GRIA3: variants seen among roughly 807,000 people sequenced by gnomAD.
The protein encoded by GRIA3 is glutamate ionotropic receptor AMPA type subunit 3.
GRIA3 carries 3 observed loss-of-function variants against 63.0 expected under a neutral mutation model. The ratio of observed to expected loss-of-function variants is 0.05; its 90% CI spans 0.02 to 0.12. The LOEUF is 0.12. GRIA3 is among the 10% of genes least tolerant of loss of function. The probability of loss-of-function intolerance (pLI) is 1.00; values close to 1 mark genes in which losing one functional copy is unlikely to be tolerated. For missense variants in GRIA3, 347 were observed against 700.9 expected, an observed-to-expected ratio of 0.50 and a Z score of 5.70; for synonymous variants, 274 against 257.9, an observed-to-expected ratio of 1.06 and a Z score of -0.60.
At chrX:123,289,433 T>C (rs1399934125) in intron 3 of GRIA3, among the ~76,000 whole-genome samples, 1 of 106,618 alleles carries the variant, frequency 9.4e-6, no homozygotes, top group Non-Finnish European at 1.9e-5. Context: ...AAAAAATATA[T>C]ATATATATAT....
chrX:123,274,140 A>G (rs2044539874), intron 3 of GRIA3, among the ~76,000 whole-genome samples: 1 of 112,630 alleles, frequency 8.9e-6, no homozygotes, highest in African/African-American at 3.2e-5. Flanking sequence ...TCAGATGAAT[A>G]ACAAATACTT....
In GRIA3 at chrX:123,490,388, C is replaced by A. The variant is rs1396331978; in HGVS notation, c.*1678C>A. On this transcript the variant is annotated 3_prime_UTR_variant, in exon 16 of 16. Transcript: ENST00000620443. ...AATGGTATTGAACAAAAAAAGAAAGCTGTTGTGTTTTTGTTTTGTTTTGTT... is the reference window on the plus strand; with the variant it reads ...AATGGTATTGAACAAAAAAAGAAAGATGTTGTGTTTTTGTTTTGTTTTGTT... The A allele has an allele frequency of 1.8e-5, 2 of 112,850 alleles. No individual in the cohort carries two copies. The highest frequency in any genetic ancestry group is 6.5e-5 in the African/African-American group (2 of 30,933). The allele number at this position is 112,850 out of a possible 1,213,427, so 9.3% of individuals were successfully genotyped here. A position where few individuals can be genotyped will look rare whatever the true frequency, so the allele number is the denominator to read the frequency against.
chrX:123,296,894 C>A (rs752192207), intron 3 of GRIA3, among the ~76,000 whole-genome samples: 1 of 111,471 alleles, frequency 9.0e-6, no homozygotes, highest in Non-Finnish European at 1.9e-5. Flanking sequence ...TTGTTCATGA[C>A]CAGTCTCTAA....
chrX:123,340,527 A>AAG (rs1456129431), intron 4 of GRIA3, among the ~76,000 whole-genome samples: 1 of 112,135 alleles, frequency 8.9e-6, no homozygotes, highest in Non-Finnish European at 1.9e-5. Context: ...TCACAGGGGG[A>AAG]AGTGCACTAG....
chrX:123,406,298 T>C (rs1166081985), intron 10 of GRIA3, among the ~76,000 whole-genome samples: 1 of 112,229 alleles, frequency 8.9e-6, no homozygotes, highest in Non-Finnish European at 1.9e-5. Context: ...CTAGACAATA[T>C]CTACACTAAG....
chrX:123,419,865 T>C (rs184979708), intron 11 of GRIA3, among the ~76,000 whole-genome samples: 9 of 111,413 alleles, frequency 8.1e-5, no homozygotes, highest in African/African-American at 2.6e-4. Context: ...AAAAATGCTC[T>C]AAAATTGGAT....
At position 123,326,069 on chromosome X, in the gene GRIA3, C is replaced by T; in HGVS notation, c.552C>T (p.Asn184=). ...CGATTATGGAAGCAGCAGTGCAAAA[C>T]AACTGGCAAGTAACAGCAAGGTCTG... ...LQAIMEAAVQ[N]NWQVTARSVG... The change falls in exon 4 of 16, where the codon AAC becomes AAT. Residue 184 remains asparagine, a synonymous_variant. Transcript: ENST00000620443. The T allele has an allele frequency of 8.3e-7, 1 of 1,209,351 alleles. No homozygotes were observed. The highest frequency in any genetic ancestry group is 1.1e-6 in the Non-Finnish European group (1 of 893,417).
chrX:123,283,780 G>A (rs1353589839), intron 3 of GRIA3, among the ~76,000 whole-genome samples: 1 of 112,661 alleles, frequency 8.9e-6, no homozygotes, highest in Non-Finnish European at 1.9e-5. Context: ...CTATCTCTCT[G>A]GGACAGAGCA....
chrX:123,230,185 C>T (rs1267930175), intron 2 of GRIA3, among the ~76,000 whole-genome samples: 2 of 111,758 alleles, frequency 1.8e-5, no homozygotes, highest in East Asian at 2.8e-4. Context: ...GGTGCCATCA[C>T]GAAGTGGAGG....
chrX:123,254,755 G>A (rs189578711), intron 3 of GRIA3, among the ~76,000 whole-genome samples: 2 of 111,901 alleles, frequency 1.8e-5, no homozygotes, highest in African/African-American at 6.5e-5. Flanking sequence ...CAGAAGACCA[G>A]AGGTCTAGTC....
chrX:123,313,838 T>A (rs1380201764), intron 3 of GRIA3, among the ~76,000 whole-genome samples: 1 of 111,576 alleles, frequency 9.0e-6, no homozygotes, highest in East Asian at 2.8e-4. Context: ...ATATAAAATA[T>A]ACTCACTTCT....
At chrX:123,382,763 A>G (rs1284070102) in intron 5 of GRIA3, among the ~76,000 whole-genome samples, 1 of 112,377 alleles carries the variant, frequency 8.9e-6, no homozygotes, top group East Asian at 2.8e-4. Context: ...GCTGGCTCTT[A>G]GGCCTTAAGG....
At chrX:123,487,004 T>C (rs912624813) in intron 15 of GRIA3, among the ~76,000 whole-genome samples, 2 of 112,281 alleles carry the variant, frequency 1.8e-5, no homozygotes, top group African/African-American at 6.5e-5. Context: ...CTATGGGTGA[T>C]AGTCACATCA....
At position 123,398,725 on chromosome X, in the gene GRIA3, A is replaced by G; in HGVS notation, c.1002A>G (p.Arg334=). 1 of 1,208,465 alleles carries G rather than the reference A, an allele frequency of 8.3e-7. No homozygotes were observed. Among genetic ancestry groups the G allele is most frequent in the Admixed American group, 2.2e-5 (1 of 45,980 alleles). ...GGCAGCGAGTAGATGTGTCCCGGAG[A>G]GGAAGTGCTGGAGACTGCTTAGCAA... ...LRRQRVDVSR[R]GSAGDCLANP... Residue 334 remains arginine, a synonymous_variant, in exon 7 of 16, where the codon AGA becomes AGG. Coordinates refer to ENST00000620443, the MANE Select transcript of GRIA3 (RefSeq NM_007325.5).
At chrX:123,436,936 C>T (rs899772483) in intron 12 of GRIA3, among the ~76,000 whole-genome samples, 4 of 110,485 alleles carry the variant, frequency 3.6e-5, no homozygotes, top group Non-Finnish European at 5.7e-5. Context: ...ATTTACAGTC[C>T]TCCTTCATGC....
At chrX:123,195,927 G>T (rs1321754103) in intron 2 of GRIA3, among the ~76,000 whole-genome samples, 1 of 111,508 alleles carries the variant, frequency 9.0e-6, no homozygotes, top group Admixed American at 9.5e-5. Flanking sequence ...ATATCTAGTA[G>T]CTTTTCATGA....
At chrX:123,251,082 T>G (rs1302502492) in intron 2 of GRIA3, among the ~76,000 whole-genome samples, 2 of 111,955 alleles carry the variant, frequency 1.8e-5, no homozygotes, top group Non-Finnish European at 1.9e-5. Context: ...CAATACCTCA[T>G]AAAGCTGATG....
At chrX:123,306,927 G>T (rs753447859) in intron 3 of GRIA3, among the ~76,000 whole-genome samples, 23 of 111,870 alleles carry the variant, frequency 2.1e-4, no homozygotes, top group African/African-American at 7.1e-4. Flanking sequence ...AAGATGCTTT[G>T]TGCATCCTGT....
intron 9 of GRIA3, among the ~76,000 whole-genome samples, chrX:123,404,155 G>A (rs1198434757): frequency 9.0e-6 from 1 of 111,653 alleles, no homozygotes; most frequent in Non-Finnish European, 1.9e-5. Context: ...ACATCTCTAG[G>A]TGTGAAAGTA....
Sources: gnomAD v4.1 joint callset for allele counts (sites outside exome capture counted in the v4.1 genomes callset) on GRCh38, gnomAD v4.1.1 for gene constraint, MANE v1.5 for transcripts, NCBI Gene and HGNC (gene_info 2026-07-23, HGNC 2026-07-21) for gene names.